Variants in IL1RAPL1 observed in about 807,000 individuals in gnomAD.
IL1RAPL1 encodes interleukin 1 receptor accessory protein like 1.
In IL1RAPL1, 3 loss-of-function variants were observed where a neutral mutation model predicts 48.4. That is an observed-to-expected ratio of 0.06 (90% CI 0.03 to 0.16). IL1RAPL1 has a LOEUF of 0.16. Among genes scored for constraint, IL1RAPL1 ranks in the 10% least tolerant of loss-of-function variants. The pLI, the probability that IL1RAPL1 is intolerant of heterozygous loss-of-function variation, is 1.00. For synonymous variants in IL1RAPL1, 185 were observed against 187.7 expected (o/e 0.99, Z 0.12); for missense variants, 349 against 530.6 (o/e 0.66, Z 3.36).
chrX:29,589,596 T>C (rs1923301917), intron 5 of IL1RAPL1, among the ~76,000 whole-genome samples: 2 of 111,791 alleles, frequency 1.8e-5, no homozygotes, highest in Admixed American at 1.9e-4. Flanking sequence ...GTCCTGGATA[T>C]ACTATAGCCT....
intron 6 of IL1RAPL1, among the ~76,000 whole-genome samples, chrX:29,672,636 T>C (rs897592354): frequency 1.8e-5 from 2 of 111,719 alleles, no homozygotes; most frequent in African/African-American, 6.5e-5. Flanking sequence ...TCCTCCAGAT[T>C]CTATGTTTCT....
At chrX:29,661,267 A>G (rs1410607153) in intron 5 of IL1RAPL1, among the ~76,000 whole-genome samples, 2 of 112,555 alleles carry the variant, frequency 1.8e-5, no homozygotes, top group African/African-American at 6.5e-5. Flanking sequence ...ATCAGCAAGT[A>G]AGGATAATTT....
chrX:28,717,564 A>T (rs1178783410), intron 1 of IL1RAPL1, among the ~76,000 whole-genome samples: 3 of 111,252 alleles, frequency 2.7e-5, no homozygotes, highest in Admixed American at 9.6e-5. Context: ...TTAATACCTG[A>T]GTGATGAAAT....
rs186945616 is a variant in IL1RAPL1 at position 29,401,906 on chromosome X, T to C, written c.703+2598T>C. ...GGTATTTTAAACATCTTTTTTTTTTTCTTTGGGAAACAGTTTCTCTCTTGT... is the reference window on the plus strand; with the variant it reads ...GGTATTTTAAACATCTTTTTTTTTTCCTTTGGGAAACAGTTTCTCTCTTGT... On this transcript the variant is annotated intron_variant, in intron 5 of 10. Coordinates refer to ENST00000378993, the MANE Select transcript of IL1RAPL1 (RefSeq NM_014271.4). Among the ~76,000 whole-genome samples the C allele has an allele frequency of 3.5e-3, 382 of 110,584 alleles. 2 individuals carry two copies. The highest frequency in any genetic ancestry group is 0.012 in the African/African-American group (359 of 30,415).
intron 5 of IL1RAPL1, among the ~76,000 whole-genome samples, chrX:29,619,469 T>C (rs2147073397): frequency 1.8e-5 from 2 of 111,748 alleles, no homozygotes; most frequent in African/African-American, 3.2e-5. Flanking sequence ...GAAGCAGATA[T>C]GAAATAAAGC....
chrX:29,880,810 CAAT>C (rs1932012135), intron 6 of IL1RAPL1, among the ~76,000 whole-genome samples: 1 of 111,122 alleles, frequency 9.0e-6, no homozygotes, highest in African/African-American at 3.3e-5. Flanking sequence ...AGAGATACCA[CAAT>C]AATTATTTTC....
chrX:29,623,682 G>A (rs1303841365), intron 5 of IL1RAPL1, among the ~76,000 whole-genome samples: 1 of 112,013 alleles, frequency 8.9e-6, no homozygotes, highest in African/African-American at 3.2e-5. Context: ...AAGATGATAA[G>A]ATTTTACACA....
intron 6 of IL1RAPL1, among the ~76,000 whole-genome samples, chrX:29,907,454 T>A (rs1429467735): frequency 9.0e-6 from 1 of 111,250 alleles, no homozygotes; most frequent in Non-Finnish European, 1.9e-5. Flanking sequence ...CATAGTAATA[T>A]TTAACTCTAA....
chrX:29,654,281 G>A (rs1257393073), intron 5 of IL1RAPL1, among the ~76,000 whole-genome samples: 1 of 111,410 alleles, frequency 9.0e-6, no homozygotes, highest in Non-Finnish European at 1.9e-5. Context: ...CCTAATCATT[G>A]ACAGAGGTCA....
intron 1 of IL1RAPL1, among the ~76,000 whole-genome samples, chrX:28,748,480 T>A (rs1012822210): frequency 9.0e-6 from 1 of 111,677 alleles, no homozygotes; most frequent in African/African-American, 3.3e-5. Flanking sequence ...TCCTACAATT[T>A]CTTAGGACTG....
At chrX:28,640,651 A>G (rs961039082) in intron 1 of IL1RAPL1, among the ~76,000 whole-genome samples, 1 of 109,757 alleles carries the variant, frequency 9.1e-6, no homozygotes, top group African/African-American at 3.3e-5. Context: ...CCGTCCAGCC[A>G]TATATACTTT....
intron 5 of IL1RAPL1, among the ~76,000 whole-genome samples, chrX:29,433,656 C>T (rs913760951): frequency 9.0e-6 from 1 of 111,126 alleles, no homozygotes; most frequent in Non-Finnish European, 1.9e-5. Context: ...AGGGTATTAT[C>T]AATTTGTTTA....
chrX:29,310,133 A>AAG (rs1932698527), intron 3 of IL1RAPL1, among the ~76,000 whole-genome samples: 10 of 67,285 alleles, frequency 1.5e-4, no homozygotes, highest in Non-Finnish European at 2.7e-4. Context: ...AAAAAAAGAA[A>AAG]GGAAAAAAAA....
intron 2 of IL1RAPL1, among the ~76,000 whole-genome samples, chrX:28,941,458 C>G (rs1321101576): frequency 9.0e-6 from 1 of 111,066 alleles, no homozygotes; most frequent in Admixed American, 9.6e-5. Flanking sequence ...ACACTTTCAT[C>G]TAATCTAGCT....
intron 6 of IL1RAPL1, among the ~76,000 whole-genome samples, chrX:29,819,812 C>A (rs150337039): frequency 1.2e-4 from 12 of 104,023 alleles, no homozygotes; most frequent in African/African-American, 3.9e-4. Flanking sequence ...AAACATCAGG[C>A]TCTACTATAT....
At chrX:28,648,644 G>A (rs1484640074) in intron 1 of IL1RAPL1, among the ~76,000 whole-genome samples, 2 of 111,704 alleles carry the variant, frequency 1.8e-5, no homozygotes, top group Non-Finnish European at 3.8e-5. Context: ...TTCAAAAAGA[G>A]GATTTTATTA....
In IL1RAPL1 at chrX:29,635,489, A is replaced by G. The variant is rs183449015; in HGVS notation, c.704-32941A>G. Among the ~76,000 whole-genome samples, 7 of 112,010 alleles carry G rather than the reference A, an allele frequency of 6.2e-5. No homozygotes were observed. In the East Asian group the frequency reaches 1.7e-3, roughly 27 times the overall value. ...TAATTCTAAATCTGAAAGATCAGAT[A>G]GATAGAAATTTTCAGGCCAACAAGT... On this transcript the variant is annotated intron_variant, in intron 5 of 10. Transcript: ENST00000378993.
At chrX:29,227,896 C>T (rs1393330135) in intron 2 of IL1RAPL1, among the ~76,000 whole-genome samples, 1 of 110,937 alleles carries the variant, frequency 9.0e-6, no homozygotes, top group Non-Finnish European at 1.9e-5. Context: ...CTATAGAGAT[C>T]GTCAGCATCC....
intron 6 of IL1RAPL1, among the ~76,000 whole-genome samples, chrX:29,795,681 G>A (rs1049252720): frequency 7.1e-5 from 8 of 113,227 alleles, no homozygotes; most frequent in Middle Eastern, 9.3e-3. Flanking sequence ...AGAGTGCTGG[G>A]ATTTTAGGCA....
Sources: gnomAD v4.1 joint callset for allele counts (sites outside exome capture counted in the v4.1 genomes callset) on GRCh38, gnomAD v4.1.1 for gene constraint, MANE v1.5 for transcripts, NCBI Gene and HGNC (gene_info 2026-07-23, HGNC 2026-07-21) for gene names.